CGGBP1: variants seen among roughly 807,000 people sequenced by gnomAD.
CGGBP1 encodes the protein CGG triplet repeat-binding protein 1.
CGGBP1 carries 4 observed loss-of-function variants against 11.4 expected under a neutral mutation model. The observed-to-expected ratio is 0.35, with a 90% CI of 0.17 to 0.80. The LOEUF (loss-of-function observed/expected upper bound fraction) is 0.80, where lower values mean the gene tolerates loss of function less well. CGGBP1 is among the 30% of genes least tolerant of loss of function. CGGBP1 has a pLI of 0.52. For missense variants in CGGBP1, 135 were observed against 202.1 expected, an observed-to-expected ratio of 0.67 and a Z score of 2.01; for synonymous variants, 76 against 74.1, an observed-to-expected ratio of 1.03 and a Z score of -0.13.
chr3:88,115,557 A>G (rs1236575284), intron 2 of CGGBP1, among the ~76,000 whole-genome samples: 1 of 152,136 alleles, frequency 6.6e-6, no homozygotes, highest in African/African-American at 2.4e-5. Flanking sequence ...TATTTTTACA[A>G]TAATACCAAA....
Position 88,055,431 on chromosome 3 carries a change from T to C in CGGBP1, c.*42A>G. On this transcript the variant is annotated 3_prime_UTR_variant, in exon 4 of 4. Transcript: ENST00000482016. The surrounding 1 kb of genome is among the most constrained non-coding windows in gnomAD (Gnocchi z 4.2). ...CCACACAATCAACACATAACTTTAA[T>C]ACTCCACATTTATCTTGATCACAAT... is the stretch of plus-strand genomic sequence containing the variant. 6.8e-7 allele frequency: 1 copy of C among 1,465,374 alleles called. No homozygotes were observed. Among genetic ancestry groups the C allele is most frequent in the Non-Finnish European group, 9.1e-7 (1 of 1,094,770 alleles). 90.8% of individuals were successfully genotyped at this position (1,465,374 alleles called of 1,614,324 possible).
At chr3:88,105,780 A>G (rs964091921) in intron 2 of CGGBP1, among the ~76,000 whole-genome samples, 1 of 152,138 alleles carries the variant, frequency 6.6e-6, no homozygotes, top group Non-Finnish European at 1.5e-5. Flanking sequence ...TGAAGTTTGA[A>G]TATCTTTTTT....
intron 2 of CGGBP1, among the ~76,000 whole-genome samples, chr3:88,120,697 G>A (rs1349696551): frequency 2.6e-5 from 4 of 151,970 alleles, no homozygotes; most frequent in Non-Finnish European, 5.9e-5. Context: ...CTCTTTATGC[G>A]TATATTACTT....
At chr3:88,081,144 A>G (rs983526213) in intron 2 of CGGBP1, among the ~76,000 whole-genome samples, 3 of 152,092 alleles carry the variant, frequency 2.0e-5, no homozygotes, top group African/African-American at 7.2e-5. Context: ...TTTTCTCGTG[A>G]TGGGAATCAA....
At position 88,054,253 on chromosome 3, in the gene CGGBP1, A is replaced by T. The variant is rs1485694264; in HGVS notation, c.*1220T>A. 2 of 152,612 alleles carry T rather than the reference A, an allele frequency of 1.3e-5. No homozygotes were observed. The highest frequency in any genetic ancestry group is 2.9e-5 in the Non-Finnish European group (2 of 68,018). The allele number at this position is 152,612 out of a possible 1,614,324, so 9.5% of individuals were successfully genotyped here. ...AGTTTCCAGCTGTTAAATTTTTAAA[A>T]AATATAATTTGGGTCTCTGATAGAA... On this transcript the variant is annotated 3_prime_UTR_variant, in exon 4 of 4. Transcript: ENST00000482016.
chr3:88,116,258 C>A (rs555108583), intron 2 of CGGBP1, among the ~76,000 whole-genome samples: 2 of 152,182 alleles, frequency 1.3e-5, no homozygotes, highest in East Asian at 3.9e-4. Context: ...TAGTGGTTCA[C>A]CCCTGTAATC....
At chr3:88,067,274 G>T (rs1329179566) in intron 2 of CGGBP1, among the ~76,000 whole-genome samples, 1 of 152,192 alleles carries the variant, frequency 6.6e-6, no homozygotes, top group East Asian at 1.9e-4. Flanking sequence ...TTGGATACCT[G>T]GGCAAGTTCT....
intron 2 of CGGBP1, among the ~76,000 whole-genome samples, chr3:88,137,536 G>T (rs1001523555): frequency 1.3e-5 from 2 of 152,012 alleles, no homozygotes; most frequent in African/African-American, 4.8e-5. Flanking sequence ...TCACAGTTGG[G>T]GGGTGAGGAC....
intron 1 of CGGBP1, among the ~76,000 whole-genome samples, chr3:88,144,961 C>T (rs1298535801): frequency 2.0e-5 from 3 of 151,848 alleles, no homozygotes; most frequent in African/African-American, 4.8e-5. Flanking sequence ...TGATATAGTA[C>T]GTTCTGCAAA....
At chr3:88,076,038 A>G (rs965561223) in intron 2 of CGGBP1, among the ~76,000 whole-genome samples, 9 of 152,238 alleles carry the variant, frequency 5.9e-5, no homozygotes, top group Non-Finnish European at 1.0e-4. Context: ...GCACAATGCC[A>G]TACTGTATGT....
At chr3:88,141,190 T>A in intron 1 of CGGBP1, 1 of 934,270 alleles carries the variant, frequency 1.1e-6, no homozygotes, top group Non-Finnish European at 1.5e-6. Context: ...TTATTTCCTT[T>A]AATACATACA....
intron 2 of CGGBP1, among the ~76,000 whole-genome samples, chr3:88,132,250 C>CTGTAT (rs1377355601): frequency 5.9e-5 from 9 of 151,940 alleles, no homozygotes; most frequent in Non-Finnish European, 1.3e-4. Flanking sequence ...AAAAAAAATT[C>CTGTAT]TGTATTGTAA....
chr3:88,131,162 T>A (rs905183709), intron 2 of CGGBP1, among the ~76,000 whole-genome samples: 4 of 152,178 alleles, frequency 2.6e-5, no homozygotes, highest in African/African-American at 9.7e-5. Context: ...GTTACTGTAC[T>A]GAATGCTGTA....
At chr3:88,107,922 C>T (rs1346162780) in intron 2 of CGGBP1, among the ~76,000 whole-genome samples, 6 of 151,874 alleles carry the variant, frequency 4.0e-5, no homozygotes, top group Non-Finnish European at 7.4e-5. Context: ...CTGTGACTAA[C>T]GTTCTTTTGG....
At position 88,055,501 on chromosome 3, in the gene CGGBP1, T is replaced by A; in HGVS notation, c.476A>T (p.Asn159Ile). Residue 159 changes from asparagine to isoleucine, a missense_variant, in exon 4 of 4, where the codon AAT becomes ATT. Asn to Ile is a moderately radical substitution (Grantham distance 149, BLOSUM62 -3). Coordinates refer to ENST00000482016, the MANE Select transcript of CGGBP1 (RefSeq NM_001008390.2). This position sits in a 1 kb window ranked among gnomAD's most constrained non-coding sequence, Gnocchi z 4.2. ...AYLPDGYENE[N>I]QLLNSQDC ...ACAATCTTGTGAGTTGAGGAGTTGA[T>A]TCTCATTCTCATATCCATCAGGAAG... 1 of 1,529,378 alleles carries A rather than the reference T, an allele frequency of 6.5e-7. No homozygotes were observed. The highest frequency in any genetic ancestry group is 8.8e-7 in the Non-Finnish European group (1 of 1,137,846). 94.7% of individuals were successfully genotyped at this position (1,529,378 alleles called of 1,614,324 possible). A position where few individuals can be genotyped will look rare whatever the true frequency, so the allele number is the denominator to read the frequency against.
At chr3:88,141,522 TTGTC>T in intron 1 of CGGBP1, 1 of 611,216 alleles carries the variant, frequency 1.6e-6, no homozygotes. Flanking sequence ...GAAAAAGAGC[TTGTC>T]TGTCTACTAA....
intron 2 of CGGBP1, among the ~76,000 whole-genome samples, chr3:88,137,775 G>A (rs1706886723): frequency 6.6e-6 from 1 of 152,246 alleles, no homozygotes; most frequent in African/African-American, 2.4e-5. Context: ...AAGTCTGCCT[G>A]TGGGAACTGT....
At chr3:88,126,784 C>A (rs1407817065) in intron 2 of CGGBP1, among the ~76,000 whole-genome samples, 1 of 151,830 alleles carries the variant, frequency 6.6e-6, no homozygotes, top group African/African-American at 2.4e-5. Context: ...AATGAATGAC[C>A]ACATGATGAA....
At chr3:88,140,292 G>C (rs756313349) in intron 2 of CGGBP1, 1 of 1,613,674 alleles carries the variant, frequency 6.2e-7, no homozygotes, top group South Asian at 1.1e-5. Flanking sequence ...TAAAACACCA[G>C]AGTCATCTGC....
Sources: gnomAD v4.1 joint callset for allele counts (sites outside exome capture counted in the v4.1 genomes callset) on GRCh38, gnomAD v4.1.1 for gene constraint, Gnocchi (gnomAD v3.1) non-coding constraint, MANE v1.5 for transcripts, NCBI Gene and HGNC (gene_info 2026-07-23, HGNC 2026-07-21) for gene names.